FMN1: variants seen among roughly 807,000 people sequenced by gnomAD.
FMN1 encodes the protein formin-1.
A neutral mutation model predicts 132.4 loss-of-function variants in FMN1; 110 were observed. That is an observed-to-expected ratio of 0.83 (90% confidence interval 0.71 to 0.97). The LOEUF (loss-of-function observed/expected upper bound fraction) is 0.97, where lower values mean the gene tolerates loss of function less well. Ranked by LOEUF, FMN1 falls within the 50% of genes least tolerant of loss-of-function variation. The pLI is 0.00. For missense variants in FMN1, 1,792 were observed against 1,705.3 expected (o/e 1.05, Z -0.90); for synonymous variants, 722 against 651.7 (o/e 1.11, Z -1.64).
chr15:33,177,143 A>C (rs1462218092), intron 3 of FMN1, among the ~76,000 whole-genome samples: 1 of 152,228 alleles, frequency 6.6e-6, no homozygotes, highest in Admixed American at 6.5e-5. Flanking sequence ...CAGGAGGGTA[A>C]CTTGTCCAGG....
chr15:33,072,003 CTT>C (rs949542021), intron 5 of FMN1, among the ~76,000 whole-genome samples: 2 of 152,182 alleles, frequency 1.3e-5, no homozygotes, highest in African/African-American at 2.4e-5. Context: ...AACTGATTCT[CTT>C]TTGTCTTGTC....
intron 4 of FMN1, among the ~76,000 whole-genome samples, chr15:33,115,820 A>C (rs1472824087): frequency 6.6e-6 from 1 of 152,070 alleles, no homozygotes; most frequent in East Asian, 1.9e-4. Flanking sequence ...CTTGACTCTT[A>C]ACTCTTTGTG....
chr15:32,782,468 C>T (rs187817491), intron 19 of FMN1, among the ~76,000 whole-genome samples: 208 of 152,284 alleles, frequency 1.4e-3, no homozygotes, highest in African/African-American at 4.9e-3. Context: ...AGAAAAGATA[C>T]TCAAGGCCAC....
At chr15:32,990,694 G>A (rs930275480) in intron 7 of FMN1, among the ~76,000 whole-genome samples, 2 of 152,154 alleles carry the variant, frequency 1.3e-5, no homozygotes, top group South Asian at 2.1e-4. Flanking sequence ...CCCAGACTGG[G>A]TAATTATAAG....
chr15:33,122,894 A>G (rs1962699838), intron 4 of FMN1, among the ~76,000 whole-genome samples: 1 of 152,164 alleles, frequency 6.6e-6, no homozygotes, highest in Non-Finnish European at 1.5e-5. Flanking sequence ...AAGCAAACCA[A>G]CATCTATGCA....
At chr15:32,885,940 T>C (rs2059886259) in intron 16 of FMN1, among the ~76,000 whole-genome samples, 1 of 152,184 alleles carries the variant, frequency 6.6e-6, no homozygotes. Context: ...CTTTAATGGC[T>C]ACAATAAACC....
chr15:32,935,095 G>C (rs1354094581), intron 9 of FMN1, among the ~76,000 whole-genome samples: 2 of 151,632 alleles, frequency 1.3e-5, no homozygotes, highest in Admixed American at 6.6e-5. Flanking sequence ...CTAATTTTTT[G>C]TATTTTTAGT....
At chr15:32,875,864 T>C (rs554619887) in intron 16 of FMN1, among the ~76,000 whole-genome samples, 3 of 152,312 alleles carry the variant, frequency 2.0e-5, no homozygotes, top group Non-Finnish European at 4.4e-5. Context: ...TACAAGCTCA[T>C]GGTATGGTAG....
At chr15:33,097,572 G>A (rs936648334) in intron 4 of FMN1, among the ~76,000 whole-genome samples, 1 of 152,106 alleles carries the variant, frequency 6.6e-6, no homozygotes, top group Non-Finnish European at 1.5e-5. Context: ...AGAACATGCA[G>A]CCCAAAAGAC....
intron 9 of FMN1, among the ~76,000 whole-genome samples, chr15:32,952,756 A>T (rs532509793): frequency 1.3e-5 from 2 of 152,312 alleles, no homozygotes; most frequent in East Asian, 3.9e-4. Context: ...AATGCGACTA[A>T]TAAGGCACCT....
intron 9 of FMN1, among the ~76,000 whole-genome samples, chr15:32,951,619 A>G (rs1266097605): frequency 6.6e-6 from 1 of 152,186 alleles, no homozygotes. Flanking sequence ...CCCAGTTCTC[A>G]TGGTGGCAAT....
intron 6 of FMN1, among the ~76,000 whole-genome samples, chr15:33,036,025 C>A (rs1389026898): frequency 6.6e-6 from 1 of 152,196 alleles, no homozygotes; most frequent in Non-Finnish European, 1.5e-5. Flanking sequence ...CCTCGGGACT[C>A]CTCAGCAAGA....
intron 16 of FMN1, among the ~76,000 whole-genome samples, chr15:32,874,658 A>C (rs536399215): frequency 6.6e-6 from 1 of 152,310 alleles, no homozygotes; most frequent in African/African-American, 2.4e-5. Context: ...AGAAATCAGA[A>C]GTAGGAATAA....
At chr15:33,010,832 A>G (rs1481073625) in intron 6 of FMN1, among the ~76,000 whole-genome samples, 1 of 152,100 alleles carries the variant, frequency 6.6e-6, no homozygotes, top group Non-Finnish European at 1.5e-5. Flanking sequence ...AATACCCAGA[A>G]AAAACTCAAC....
Position 32,773,419 on chromosome 15 carries a change from A to C in FMN1, c.*891T>G, listed in dbSNP as rs2056313716. ...ATAACGTAGAACTCGGCTGCGTATCAACACAACATTGCCCATTCATGAACG... is the reference window on the plus strand; with the variant it reads ...ATAACGTAGAACTCGGCTGCGTATCCACACAACATTGCCCATTCATGAACG... On this transcript the variant is annotated 3_prime_UTR_variant, in exon 21 of 21. Transcript: ENST00000616417. 1.3e-5 allele frequency: 2 copies of C among 152,080 alleles called. No individual in the cohort carries two copies. The highest frequency in any genetic ancestry group is 4.2e-4 in the South Asian group (2 of 4,808). 9.4% of individuals were successfully genotyped at this position (152,080 alleles called of 1,614,324 possible).
chr15:33,116,520 C>T (rs1261842613), intron 4 of FMN1, among the ~76,000 whole-genome samples: 2 of 152,142 alleles, frequency 1.3e-5, no homozygotes, highest in African/African-American at 4.8e-5. Flanking sequence ...GTTCTGGGGG[C>T]TGATTCAAGA....
chr15:33,090,980 T>C (rs1356253660), intron 4 of FMN1, among the ~76,000 whole-genome samples: 1 of 152,218 alleles, frequency 6.6e-6, no homozygotes, highest in Non-Finnish European at 1.5e-5. Context: ...ATACTCTCAC[T>C]GTACTACCTC....
At chr15:33,100,749 A>AT (rs1427711457) in intron 4 of FMN1, among the ~76,000 whole-genome samples, 1 of 152,242 alleles carries the variant, frequency 6.6e-6, no homozygotes. Flanking sequence ...ATCATAAAGA[A>AT]TCATCATCGT....
intron 4 of FMN1, among the ~76,000 whole-genome samples, chr15:33,127,848 G>GA (rs1428417314): frequency 6.6e-6 from 1 of 152,216 alleles, no homozygotes; most frequent in Admixed American, 6.5e-5. Context: ...CTGTTGGTAA[G>GA]AGAGAAGTGA....
Sources: allele counts gnomAD v4.1 joint callset (sites outside exome capture counted in the v4.1 genomes callset), GRCh38; gene constraint gnomAD v4.1.1; transcripts MANE v1.5; gene names NCBI Gene and HGNC (gene_info 2026-07-23, HGNC 2026-07-21).